The following TDP1 variants were observed in gnomAD, a reference collection of about 807,000 sequenced individuals.
The protein encoded by TDP1 is tyrosyl-DNA phosphodiesterase 1.
TDP1 carries 64 observed loss-of-function variants against 81.5 expected under a neutral mutation model. The ratio of observed to expected loss-of-function variants is 0.79; its 90% CI spans 0.64 to 0.97. The LOEUF (loss-of-function observed/expected upper bound fraction) is 0.97, where lower values mean the gene tolerates loss of function less well. TDP1 is among the 50% of genes least tolerant of loss of function. The pLI, the probability that TDP1 is intolerant of heterozygous loss-of-function variation, is 0.00. For synonymous variants in TDP1, 256 were observed against 264.3 expected (o/e 0.97, Z 0.30); for missense variants, 723 against 743.8 (o/e 0.97, Z 0.33).
intron 14 of TDP1, among the ~76,000 whole-genome samples, chr14:90,003,741 T>C (rs7145954): frequency 0.039 from 5,913 of 152,242 alleles, 375 homozygotes; most frequent in African/African-American, 0.13. Context: ...TAGTCAGGGA[T>C]GAGCAGAAAT....
intron 13 of TDP1, among the ~76,000 whole-genome samples, chr14:89,992,588 A>G (rs528475160): frequency 6.6e-6 from 1 of 152,354 alleles, no homozygotes; most frequent in Admixed American, 6.5e-5. Flanking sequence ...ATAGCTTTCA[A>G]CTGTAAGTCA....
At chr14:90,040,291 C>G (rs1888237871) in intron 16 of TDP1, among the ~76,000 whole-genome samples, 3 of 152,212 alleles carry the variant, frequency 2.0e-5, no homozygotes, top group Admixed American at 2.0e-4. Context: ...AAAAAGACAG[C>G]TTCCCATCCC....
intron 14 of TDP1, among the ~76,000 whole-genome samples, chr14:90,017,599 C>T (rs1885464434): frequency 6.6e-6 from 1 of 152,158 alleles, no homozygotes; most frequent in African/African-American, 2.4e-5. Context: ...ATGAGAACAG[C>T]CTTCCAGAAG....
intron 14 of TDP1, 34 bp downstream of exon 14, chr14:89,993,517 C>A: frequency 6.2e-7 from 1 of 1,607,694 alleles, no homozygotes; most frequent in Non-Finnish European, 8.5e-7. Context: ...TGGGAGAAAT[C>A]TTTTTAATGT....
chr14:90,001,682 A>T (rs923490097), intron 14 of TDP1, among the ~76,000 whole-genome samples: 9 of 151,946 alleles, frequency 5.9e-5, no homozygotes, highest in Non-Finnish European at 1.3e-4. Context: ...CTCAGGTTTT[A>T]TTTTTTTCTG....
At chr14:90,008,715 C>A (rs997830728) in intron 14 of TDP1, among the ~76,000 whole-genome samples, 1 of 152,054 alleles carries the variant, frequency 6.6e-6, no homozygotes, top group African/African-American at 2.4e-5. Flanking sequence ...ACTTTGAAAT[C>A]TTTTGTTTAT....
rs913522121 is a variant in TDP1 at position 89,985,105 on chromosome 14, A to G, written c.1053-27A>G. 1.9e-6 allele frequency: 3 copies of G among 1,562,250 alleles called. No homozygotes were observed. The South Asian group carries it at 3.4e-5, about 18-fold the overall frequency. Reference sequence around the variant, plus strand: ...TGCCCAAAGCACATCACTATATTTTATAACTTGTGTTTTTATGTCTTTTTA... The same window carrying G: ...TGCCCAAAGCACATCACTATATTTTGTAACTTGTGTTTTTATGTCTTTTTA... On this transcript the variant is annotated intron_variant, in intron 9 of 16. Coordinates refer to ENST00000335725, the MANE Select transcript of TDP1 (RefSeq NM_018319.4).
intron 6 of TDP1, among the ~76,000 whole-genome samples, chr14:89,972,783 T>C (rs1337879915): frequency 1.3e-5 from 2 of 152,250 alleles, no homozygotes; most frequent in Non-Finnish European, 2.9e-5. Context: ...TTTGGCTGTA[T>C]TCGTTTGTTA....
At chr14:90,010,690 G>A (rs79138695) in intron 14 of TDP1, among the ~76,000 whole-genome samples, 5,920 of 152,198 alleles carry the variant, frequency 0.039, 379 homozygotes, top group African/African-American at 0.13. Context: ...GAAAAGGCAA[G>A]GAAATGAATT....
intron 14 of TDP1, chr14:90,018,783 T>TA (rs1293790559): frequency 1.8e-5 from 3 of 169,078 alleles, no homozygotes; most frequent in Non-Finnish European, 3.6e-5. Context: ...TTTGAACATA[T>TA]AAAACATCAT....
At chr14:90,002,097 T>C (rs1003976284) in intron 14 of TDP1, among the ~76,000 whole-genome samples, 18 of 152,152 alleles carry the variant, frequency 1.2e-4, no homozygotes, top group African/African-American at 4.1e-4. Context: ...ATAAAATAAA[T>C]GGTATATAAA....
rs140256426 is a variant in TDP1, at chr14:90,018,868, A to T, written c.1542-448A>T. On this transcript the variant is annotated intron_variant, in intron 14 of 16. Transcript: ENST00000335725. ...GAGCTGTTTTCTTCACATTGAAAGT[A>T]GAAATTAGCACTACCTGGCAAAAAA... is the stretch of plus-strand genomic sequence containing the variant. The T allele has an allele frequency of 1.3e-4, 72 of 548,268 alleles. No individual in the cohort carries two copies. The East Asian group carries it at 9.8e-3, about 75-fold the overall frequency. The allele number at this position is 548,268 out of a possible 1,614,324, so 34.0% of individuals were successfully genotyped here.
At chr14:90,004,712 C>G (rs146913834) in intron 14 of TDP1, among the ~76,000 whole-genome samples, 136 of 152,284 alleles carry the variant, frequency 8.9e-4, no homozygotes, top group African/African-American at 2.8e-3. Context: ...TGATGTAGAC[C>G]TATCGTCTCT....
intron 2 of TDP1, among the ~76,000 whole-genome samples, chr14:89,960,471 T>C (rs1372781092): frequency 6.6e-6 from 1 of 152,190 alleles, no homozygotes; most frequent in African/African-American, 2.4e-5. Context: ...AGAAACAATT[T>C]AGGGAAAATA....
At chr14:89,985,030 T>A (rs1386674487) in intron 9 of TDP1, 102 bp from the exon 10 acceptor site, 1 of 1,323,716 alleles carries the variant, frequency 7.6e-7, no homozygotes, top group Non-Finnish European at 1.0e-6. Flanking sequence ...GGCTCTTAGA[T>A]CATTTCTTGA....
At chr14:89,995,736 A>T (rs1278171448) in intron 14 of TDP1, among the ~76,000 whole-genome samples, 1 of 152,188 alleles carries the variant, frequency 6.6e-6, no homozygotes, top group Non-Finnish European at 1.5e-5. Context: ...GAACTCATGT[A>T]GATGGAGATT....
chr14:89,989,891 A>G, intron 12 of TDP1, 126 bp downstream of exon 12: 1 of 766,374 alleles, frequency 1.3e-6, no homozygotes, highest in Non-Finnish European at 2.3e-6. Context: ...GGATCATGAA[A>G]ATAGGCAATA....
chr14:90,022,323 CAT>C (rs1286393687), intron 15 of TDP1, among the ~76,000 whole-genome samples: 1 of 152,238 alleles, frequency 6.6e-6, no homozygotes, highest in African/African-American at 2.4e-5. Context: ...GGGGGGATGT[CAT>C]GGGATCAGAG....
At chr14:89,969,919 C>T (rs1256146040) in intron 5 of TDP1, among the ~76,000 whole-genome samples, 2 of 147,954 alleles carry the variant, frequency 1.4e-5, no homozygotes, top group East Asian at 2.0e-4. Context: ...CTCTGTCGCC[C>T]AGGCTGGAGT....
Sources: gnomAD v4.1 joint callset for allele counts (sites outside exome capture counted in the v4.1 genomes callset) on GRCh38, gnomAD v4.1.1 for gene constraint, MANE v1.5 for transcripts, NCBI Gene and HGNC (gene_info 2026-07-23, HGNC 2026-07-21) for gene names.